The following RPS20 variants were observed in gnomAD, a reference collection of about 807,000 sequenced individuals.
RPS20 encodes ribosomal protein S20.
RPS20 carries 3 observed loss-of-function variants against 15.3 expected under a neutral mutation model. The observed-to-expected ratio is 0.20, with a 90% CI of 0.09 to 0.51. The LOEUF is 0.51. Ranked by LOEUF, RPS20 falls within the 20% of genes least tolerant of loss-of-function variation. The pLI, the probability that RPS20 is intolerant of heterozygous loss-of-function variation, is 0.96. For missense variants in RPS20, 67 were observed against 145.9 expected (o/e 0.46, Z 2.79); for synonymous variants, 62 against 47.8 (o/e 1.30, Z -1.23).
intron 3 of RPS20, 104 bp downstream of exon 3, chr8:56,073,591 C>G: frequency 1.1e-6 from 1 of 890,818 alleles, no homozygotes; most frequent in South Asian, 1.3e-5. Flanking sequence ...CGTTTGTAGA[C>G]AGCATCAGTG....
At chr8:56,071,936 GTATC>G (rs1260846758), downstream of RPS20, among the ~76,000 whole-genome samples, 3 of 152,152 alleles carry the variant, frequency 2.0e-5, no homozygotes, top group South Asian at 2.1e-4. Context: ...ACCTGTAAGG[GTATC>G]TATCTGATTT....
chr8:56,074,185 C>G, intron 1 of RPS20, 26 bp from the exon 2 acceptor site: 1 of 1,590,982 alleles, frequency 6.3e-7, no homozygotes, highest in East Asian at 2.2e-5. Flanking sequence ...TGAAAAAGAA[C>G]AATAAGCCAA....
downstream of RPS20, among the ~76,000 whole-genome samples, chr8:56,072,617 T>G (rs1178517082): frequency 7.1e-6 from 1 of 141,364 alleles, no homozygotes; most frequent in African/African-American, 3.2e-5. Flanking sequence ...TATAAGTATT[T>G]TTAAACTAAG....
chr8:56,074,227 T>C, intron 1 of RPS20, 68 bp from the exon 2 acceptor site: 1 of 1,530,920 alleles, frequency 6.5e-7, no homozygotes, highest in Non-Finnish European at 9.0e-7. Flanking sequence ...GAAAGGCAGC[T>C]TCCGGAAGCT....
Position 56,074,109 on chromosome 8 carries a change from G to A in RPS20, c.54C>T (p.His18=). The change falls in exon 2 of 4, where the codon CAC becomes CAT. Residue 18 remains histidine (H), a synonymous_variant. Coordinates refer to ENST00000009589, the MANE Select transcript of RPS20 (RefSeq NM_001023.4). Reference sequence around the variant, plus strand: ...GGCTTGTTAGGGTGATTCGAATTCGGTGAATTGCCACCTCCGGCTCCACGG... The same window carrying A: ...GGCTTGTTAGGGTGATTCGAATTCGATGAATTGCCACCTCCGGCTCCACGG... ...KTPVEPEVAI[H]RIRITLTSRN... 1 of 1,613,850 alleles carries A rather than the reference G, an allele frequency of 6.2e-7. No individual in the cohort carries two copies. Among genetic ancestry groups the A allele is most frequent in the Non-Finnish European group, 8.5e-7 (1 of 1,179,982 alleles).
intron 1 of RPS20, 66 bp downstream of exon 1, chr8:56,074,315 C>G: frequency 6.5e-7 from 1 of 1,547,678 alleles, no homozygotes; most frequent in Admixed American, 1.9e-5. Flanking sequence ...AGCACGAACT[C>G]GAAACCGGGG....
downstream of RPS20, chr8:56,073,010 T>C: frequency 5.2e-6 from 8 of 1,542,258 alleles, no homozygotes; most frequent in African/African-American, 1.4e-5. Context: ...TACACCTTTA[T>C]ATTCCTAAAA....
chr8:56,069,306 C>T (rs865852577), downstream of RPS20, among the ~76,000 whole-genome samples: 6 of 151,866 alleles, frequency 4.0e-5, no homozygotes, highest in Non-Finnish European at 7.4e-5. Flanking sequence ...GCAGTGGACT[C>T]GATCCACTGC....
chr8:56,072,346 G>A (rs1563347186), downstream of RPS20, among the ~76,000 whole-genome samples: 2 of 152,258 alleles, frequency 1.3e-5, no homozygotes, highest in Admixed American at 1.3e-4. Flanking sequence ...GAGGTCAGGA[G>A]TTTGAGACCA....
chr8:56,067,791 A>C (rs1809652331), exon 6 of RPS20: 1 of 152,220 alleles, frequency 6.6e-6, no homozygotes, highest in South Asian at 2.1e-4. Flanking sequence ...ATATTATATG[A>C]TTCCACTCAC....
chr8:56,074,497 C>T lies in RPS20; in HGVS notation c.-114G>A, dbSNP rs1809880124. 6.6e-6 allele frequency: 8 copies of T among 1,206,924 alleles called. No individual in the cohort carries two copies. Among genetic ancestry groups the T allele is most frequent in the Admixed American group, 4.6e-5 (2 of 43,330 alleles). 74.8% of individuals were successfully genotyped at this position (1,206,924 alleles called of 1,614,324 possible). ...TCCTCAGCCCTTACGACCGCGTCTT[C>T]CTCAAAAAGAAAGGGGTGGGACTTG... is the stretch of plus-strand genomic sequence containing the variant. On this transcript the variant is annotated 5_prime_UTR_variant, in exon 1 of 4. Coordinates refer to ENST00000009589, the MANE Select transcript of RPS20 (RefSeq NM_001023.4).
At chr8:56,071,742 T>G (rs1809761717), downstream of RPS20, among the ~76,000 whole-genome samples, 1 of 152,176 alleles carries the variant, frequency 6.6e-6, no homozygotes, top group Non-Finnish European at 1.5e-5. Context: ...TGAAGGTCAA[T>G]TTGAAAAGAT....
chr8:56,072,543 C>G (rs972558613), downstream of RPS20, among the ~76,000 whole-genome samples: 1 of 148,054 alleles, frequency 6.8e-6, no homozygotes, highest in Non-Finnish European at 1.5e-5. Flanking sequence ...CAGAGCAAAA[C>G]GCCGTCCCCC....
chr8:56,074,362 C>T lies in RPS20; in HGVS notation c.3+19G>A. The T allele has an allele frequency of 6.4e-7, 1 of 1,554,006 alleles. No homozygotes were observed. On this transcript the variant is annotated intron_variant, in intron 1 of 3. Transcript: ENST00000009589. Reference sequence around the variant, plus strand: ...CCCGAGCCCTGCGTTGCGCCGCCCGCCGCCGACTGCCGCCTCACCATGGCT... The same window carrying T: ...CCCGAGCCCTGCGTTGCGCCGCCCGTCGCCGACTGCCGCCTCACCATGGCT...
At position 56,074,473 on chromosome 8, in the gene RPS20, C is replaced by G. The variant is rs139234535; in HGVS notation, c.-90G>C. The G allele has an allele frequency of 1.3e-4, 188 of 1,435,826 alleles. No homozygotes were observed. Among genetic ancestry groups the G allele is most frequent in the South Asian group, 1.7e-4 (14 of 81,048 alleles). 88.9% of individuals were successfully genotyped at this position (1,435,826 alleles called of 1,614,324 possible). On this transcript the variant is annotated 5_prime_UTR_variant, in exon 1 of 4. Transcript: ENST00000009589. ...GAGCAGGAGCGTGCGGACCAAAAAT[C>G]CTCAGCCCTTACGACCGCGTCTTCC...
intron 2 of RPS20, 138 bp downstream of exon 2, chr8:56,073,922 A>G (rs1162316697): frequency 9.1e-7 from 1 of 1,098,344 alleles, no homozygotes; most frequent in South Asian, 1.2e-5. Flanking sequence ...AGTAAAAGCA[A>G]TTTTAAGCCA....
downstream of RPS20, among the ~76,000 whole-genome samples, chr8:56,070,536 G>C (rs1809722965): frequency 6.6e-6 from 1 of 151,872 alleles, no homozygotes; most frequent in Non-Finnish European, 1.5e-5. Flanking sequence ...AGGAGTTTGA[G>C]ACCAGCCTGG....
Position 56,074,410 on chromosome 8 carries a change from G to C in RPS20, c.-27C>G. 6.4e-7 allele frequency: 1 copy of C among 1,555,508 alleles called. No individual in the cohort carries two copies. Among genetic ancestry groups the C allele is most frequent in the Non-Finnish European group, 8.6e-7 (1 of 1,156,476 alleles). On this transcript the variant is annotated 5_prime_UTR_variant, in exon 1 of 4. Coordinates refer to ENST00000009589, the MANE Select transcript of RPS20 (RefSeq NM_001023.4). ...GCTGTTGCGCGCGGGCTTCCTGACC[G>C]ACTTGTTCCTCGGCGAGAGCGAACA... is the stretch of plus-strand genomic sequence containing the variant.
At chr8:56,071,620 G>C (rs546653124), downstream of RPS20, among the ~76,000 whole-genome samples, 1 of 152,172 alleles carries the variant, frequency 6.6e-6, no homozygotes, top group Non-Finnish European at 1.5e-5. Context: ...ATTCAGACTA[G>C]GAACACAGGA....
Sources: allele counts gnomAD v4.1 joint callset (sites outside exome capture counted in the v4.1 genomes callset), GRCh38; gene constraint gnomAD v4.1.1; transcripts MANE v1.5; gene names NCBI Gene and HGNC (gene_info 2026-07-23, HGNC 2026-07-21).